The following MYO1D variants were observed in gnomAD, a reference collection of about 807,000 sequenced individuals.
The protein encoded by MYO1D is unconventional myosin-Id.
MYO1D carries 83 observed loss-of-function variants against 122.0 expected under a neutral mutation model. The ratio of observed to expected loss-of-function variants is 0.68; its 90% CI spans 0.57 to 0.82. The LOEUF (loss-of-function observed/expected upper bound fraction) is 0.82, where lower values mean the gene tolerates loss of function less well. MYO1D is among the 40% of genes least tolerant of loss of function. MYO1D has a pLI of 0.00. For synonymous variants in MYO1D, 464 were observed against 446.9 expected (o/e 1.04, Z -0.48); for missense variants, 1,157 against 1,269.5 (o/e 0.91, Z 1.35).
rs1279310202 is a variant in MYO1D, at chr17:32,765,047, G to A, written c.866C>T (p.Pro289Leu). 1 of 1,613,558 alleles carries A rather than the reference G, an allele frequency of 6.2e-7. No individual in the cohort carries two copies. Among genetic ancestry groups the A allele is most frequent in the Admixed American group, 1.7e-5 (1 of 60,002 alleles). ...NLKFVVDGDTPLIENGKVVSI... is the reference protein window; with the variant it reads ...NLKFVVDGDTLLIENGKVVSI... ...TACTACTTTGCCATTCTCAATAAGA[G>A]GCGTGTCACCATCTACTACAAATTT... The change falls in exon 8 of 22, where the codon CCT (proline) becomes CTT (leucine). Residue 289 changes from proline to leucine, a missense_variant. By Grantham distance (98) the Pro-to-Leu change is moderately conservative. Coordinates refer to ENST00000318217, the MANE Select transcript of MYO1D (RefSeq NM_015194.3).
At chr17:32,631,515 C>T (rs932222145) in intron 20 of MYO1D, among the ~76,000 whole-genome samples, 5 of 152,016 alleles carry the variant, frequency 3.3e-5, no homozygotes, top group African/African-American at 4.8e-5. Context: ...AGAGTAGTGG[C>T]GTGCATCTGC....
chr17:32,524,685 C>T (rs538536345), intron 21 of MYO1D, among the ~76,000 whole-genome samples: 6 of 151,828 alleles, frequency 4.0e-5, no homozygotes, highest in Admixed American at 1.3e-4. Context: ...GCCTCAGCCT[C>T]CTGAGTAGCT....
At chr17:32,692,742 A>C (rs1030296237) in intron 16 of MYO1D, among the ~76,000 whole-genome samples, 3 of 152,220 alleles carry the variant, frequency 2.0e-5, no homozygotes, top group Non-Finnish European at 4.4e-5. Flanking sequence ...AGTTCCACTG[A>C]AACTCCCAAA....
chr17:32,876,768 C>T lies in MYO1D; in HGVS notation c.95+10G>A, dbSNP rs1027423403. 1.3e-6 allele frequency: 2 copies of T among 1,500,636 alleles called. No homozygotes were observed. Among genetic ancestry groups the T allele is most frequent in the Admixed American group, 2.3e-5 (1 of 44,324 alleles). The allele number at this position is 1,500,636 out of a possible 1,614,324, so 93.0% of individuals were successfully genotyped here. ...CCTCGCGCCCCTGCGCGCGGCCGCT[C>T]CGCCCTCACCTGAGCCTGAGGTTGG... is the stretch of plus-strand genomic sequence containing the variant. On this transcript the variant is annotated intron_variant, in intron 1 of 21. Transcript: ENST00000318217.
At chr17:32,585,811 T>A (rs1451765949) in intron 21 of MYO1D, among the ~76,000 whole-genome samples, 1 of 152,088 alleles carries the variant, frequency 6.6e-6, no homozygotes, top group Non-Finnish European at 1.5e-5. Flanking sequence ...AAATAATTTT[T>A]TCTGGTTATA....
At chr17:32,541,594 A>T (rs1910838144) in intron 21 of MYO1D, among the ~76,000 whole-genome samples, 1 of 152,254 alleles carries the variant, frequency 6.6e-6, no homozygotes, top group Non-Finnish European at 1.5e-5. Flanking sequence ...ATATCACAAT[A>T]AAGCTCTTTA....
In MYO1D at chr17:32,492,863, A is replaced by G. The variant is rs1339661124; in HGVS notation, c.*1896T>C. 1 of 122,468 alleles carries G rather than the reference A, an allele frequency of 8.2e-6. No homozygotes were observed. The highest frequency in any genetic ancestry group is 1.9e-5 in the Non-Finnish European group (1 of 52,590). The allele number at this position is 122,468 out of a possible 1,614,324, so 7.6% of individuals were successfully genotyped here. A position where few individuals can be genotyped will look rare whatever the true frequency, so the allele number is the denominator to read the frequency against. ...ACTGTGGCTTTTAGTACATCATAAA[A>G]AAGTGCTTGTCCTGTGGCCTCAGCT... On this transcript the variant is annotated 3_prime_UTR_variant, in exon 22 of 22. Coordinates refer to ENST00000318217, the MANE Select transcript of MYO1D (RefSeq NM_015194.3).
At chr17:32,751,113 A>G (rs561781623) in intron 11 of MYO1D, among the ~76,000 whole-genome samples, 1 of 151,868 alleles carries the variant, frequency 6.6e-6, no homozygotes, top group African/African-American at 2.4e-5. Context: ...TTATCATTTA[A>G]CTTTTTATAT....
intron 1 of MYO1D, among the ~76,000 whole-genome samples, chr17:32,818,381 T>C (rs1370845052): frequency 1.3e-5 from 2 of 152,012 alleles, no homozygotes; most frequent in East Asian, 3.9e-4. Context: ...GGAAGGAGGG[T>C]TGGCTAAGTA....
At chr17:32,842,521 C>G (rs936227911) in intron 1 of MYO1D, among the ~76,000 whole-genome samples, 2 of 152,084 alleles carry the variant, frequency 1.3e-5, no homozygotes, top group Non-Finnish European at 2.9e-5. Flanking sequence ...GGCTCTCTTT[C>G]GCTCTCTTTC....
chr17:32,841,225 G>A (rs1349329403), intron 1 of MYO1D, among the ~76,000 whole-genome samples: 1 of 152,084 alleles, frequency 6.6e-6, no homozygotes, highest in Non-Finnish European at 1.5e-5. Flanking sequence ...CCAGAGCTTT[G>A]GGAGACCTAG....
At chr17:32,626,251 G>C (rs2087926651) in intron 20 of MYO1D, among the ~76,000 whole-genome samples, 1 of 152,222 alleles carries the variant, frequency 6.6e-6, no homozygotes, top group Middle Eastern at 3.2e-3. Context: ...CTCTGATAAA[G>C]ACAGCTGTCT....
chr17:32,517,157 T>C (rs928203356), intron 21 of MYO1D, among the ~76,000 whole-genome samples: 1 of 152,244 alleles, frequency 6.6e-6, no homozygotes, highest in African/African-American at 2.4e-5. Context: ...ATTCTTCCTC[T>C]GGAGCTGGAA....
In MYO1D at chr17:32,659,344, C is replaced by A. The variant is rs2088524291; in HGVS notation, c.2122-6G>T. 2 of 1,613,568 alleles carry A rather than the reference C, an allele frequency of 1.2e-6. No homozygotes were observed. Among genetic ancestry groups the A allele is most frequent in the Non-Finnish European group, 1.7e-6 (2 of 1,179,734 alleles). ...GCCAGGGTGCCCCGCCACACCTTCACAATAGAGAAAGAAAAAGGAAAACGT... is the reference window on the plus strand; with the variant it reads ...GCCAGGGTGCCCCGCCACACCTTCAAAATAGAGAAAGAAAAAGGAAAACGT... On this transcript the variant is annotated splice_region_variant and splice_polypyrimidine_tract_variant and intron_variant, in intron 16 of 21. Transcript: ENST00000318217.
chr17:32,538,107 T>C (rs1440819354), intron 21 of MYO1D, among the ~76,000 whole-genome samples: 1 of 152,224 alleles, frequency 6.6e-6, no homozygotes, highest in East Asian at 1.9e-4. Context: ...TTGGCAGTGC[T>C]GTTTTTCCTT....
intron 21 of MYO1D, among the ~76,000 whole-genome samples, chr17:32,543,484 G>C (rs1597886719): frequency 6.6e-6 from 1 of 151,096 alleles, no homozygotes; most frequent in East Asian, 2.0e-4. Context: ...GCTGAGGCAG[G>C]AGAATGGTGT....
chr17:32,580,170 A>G (rs549892292), intron 21 of MYO1D, among the ~76,000 whole-genome samples: 24 of 152,122 alleles, frequency 1.6e-4, no homozygotes, highest in Admixed American at 3.3e-4. Context: ...GTTAAATCCT[A>G]TCTTAAGGGG....
rs147891497 is a variant in MYO1D, at chr17:32,494,794, G to A, written c.2986C>T (p.Arg996Cys). Residue 996 changes from arginine (R) to cysteine (C), a missense_variant, in exon 22 of 22, where the codon CGC becomes TGC. Coordinates refer to ENST00000318217, the MANE Select transcript of MYO1D (RefSeq NM_015194.3). ...NQPQPDFTKN[R>C]SGFILSVPGN ...GGCACGCTGAGGATGAAGCCCGAGC[G>A]ATTCTTGGTGAAGTCGGGCTGGGGC... The A allele has an allele frequency of 2.0e-4, 329 of 1,612,390 alleles. No individual in the cohort carries two copies. Among genetic ancestry groups the A allele is most frequent in the Non-Finnish European group, 2.4e-4 (285 of 1,179,282 alleles).
chr17:32,623,927 G>A (rs370772937), intron 20 of MYO1D, among the ~76,000 whole-genome samples: 3 of 152,134 alleles, frequency 2.0e-5, no homozygotes, highest in Admixed American at 2.0e-4. Flanking sequence ...TCCCATCTCC[G>A]AGTTCCATCA....
Sources: allele counts gnomAD v4.1 joint callset (sites outside exome capture counted in the v4.1 genomes callset), GRCh38; gene constraint gnomAD v4.1.1; transcripts MANE v1.5; gene names NCBI Gene and HGNC (gene_info 2026-07-23, HGNC 2026-07-21).